Variants in PSG1 observed in about 807,000 individuals in gnomAD.
PSG1 encodes the protein pregnancy specific beta-1-glycoprotein 1, also known as pregnancy-specific beta-1-glycoprotein 1.
In PSG1, 60 loss-of-function variants were observed where a neutral mutation model predicts 41.4. That is an observed-to-expected ratio of 1.45 (90% CI 1.18 to 1.80). The LOEUF (loss-of-function observed/expected upper bound fraction) is 1.80. Among genes scored for constraint, PSG1 ranks in the 40% most tolerant of loss-of-function variants. The pLI is 0.00. For synonymous variants in PSG1, 256 were observed against 192.9 expected, an observed-to-expected ratio of 1.33 and a Z score of -2.71; for missense variants, 806 against 516.9, an observed-to-expected ratio of 1.56 and a Z score of -5.42.
At chr19:42,877,698 G>A (rs1971668219) in intron 2 of PSG1, among the ~76,000 whole-genome samples, 2 of 151,712 alleles carry the variant, frequency 1.3e-5, no homozygotes, top group African/African-American at 4.8e-5. Context: ...TCCTTCCTCT[G>A]CAGCGAGTGT....
intron 1 of PSG1, 76 bp downstream of exon 1, chr19:42,879,442 C>A (rs1971771630): frequency 1.3e-6 from 2 of 1,579,064 alleles, no homozygotes; most frequent in Non-Finnish European, 1.7e-6. Flanking sequence ...TTTTTAGAAC[C>A]CCATCCTCTC....
chr19:42,870,486 G>A (rs1305181266), intron 3 of PSG1: 1 of 151,556 alleles, frequency 6.6e-6, no homozygotes, highest in Non-Finnish European at 1.5e-5. Context: ...TGAAGGCCTT[G>A]GGATGTGAGA....
intron 4 of PSG1, 144 bp from the exon 5 acceptor site, chr19:42,868,499 T>G (rs1402655003): frequency 1.3e-6 from 2 of 1,488,620 alleles, no homozygotes; most frequent in Non-Finnish European, 1.8e-6. Flanking sequence ...CTGAGCCGAA[T>G]CCTGAGGTAT....
intron 1 of PSG1, among the ~76,000 whole-genome samples, chr19:42,879,060 G>GT (rs1308710763): frequency 2.0e-5 from 3 of 151,408 alleles, no homozygotes; most frequent in Non-Finnish European, 4.4e-5. Flanking sequence ...ACCAATTCCG[G>GT]TCCAATACGA....
chr19:42,878,336 T>G, intron 1 of PSG1, 58 bp from the exon 2 acceptor site: 2 of 1,546,130 alleles, frequency 1.3e-6, no homozygotes, highest in Non-Finnish European at 1.7e-6. Flanking sequence ...TGTGAAAACA[T>G]GGGGCCCTGG....
intron 3 of PSG1, among the ~76,000 whole-genome samples, chr19:42,870,935 C>T (rs1296557691): frequency 6.6e-6 from 1 of 151,610 alleles, no homozygotes; most frequent in Non-Finnish European, 1.5e-5. Flanking sequence ...AAAGAATGAT[C>T]TAGAAAGAGT....
At chr19:42,874,492 G>T (rs1359061103) in intron 2 of PSG1, among the ~76,000 whole-genome samples, 1 of 151,560 alleles carries the variant, frequency 6.6e-6, no homozygotes, top group Admixed American at 6.6e-5. Flanking sequence ...GACTACAGGG[G>T]CCCGCCACCA....
At position 42,871,950 on chromosome 19, in the gene PSG1, C is replaced by A; in HGVS notation, c.526G>T (p.Ala176Ser). ...CCATTCATCCACCACAGGTAGCTTG[C>A]GTCTGGAGTCTCAGGGTCACAGGTT... The part of the protein sequence containing the change: ...SLTCDPETPD[A>S]SYLWWMNGQS... Residue 176 changes from alanine (A) to serine (S), a missense_variant, in exon 3 of 6, where the codon GCA becomes TCA. Coordinates refer to ENST00000436291, the MANE Select transcript of PSG1 (RefSeq NM_001184825.2). 2 of 1,612,420 alleles carry A rather than the reference C, an allele frequency of 1.2e-6. No homozygotes were observed. Among genetic ancestry groups the A allele is most frequent in the Non-Finnish European group, 1.7e-6 (2 of 1,179,198 alleles).
At chr19:42,878,581 C>G (rs6509042) in intron 1 of PSG1, among the ~76,000 whole-genome samples, 39,359 of 122,206 alleles carry the variant, frequency 0.32, 9,114 homozygotes, top group African/African-American at 0.62. Flanking sequence ...GCATGGCCCC[C>G]TCCACAATGC....
chr19:42,879,263 C>T (rs1275584525), intron 1 of PSG1, among the ~76,000 whole-genome samples: 1 of 150,756 alleles, frequency 6.6e-6, no homozygotes, highest in Admixed American at 6.6e-5. Flanking sequence ...CGTGATTCTC[C>T]TGCCTCAGCC....
chr19:42,870,324 T>G (rs1228068420), intron 3 of PSG1: 1 of 151,720 alleles, frequency 6.6e-6, no homozygotes, highest in East Asian at 1.9e-4. Context: ...AATGCTCCAG[T>G]GAGCATTTCT....
chr19:42,877,014 A>G (rs1003325947), intron 2 of PSG1, among the ~76,000 whole-genome samples: 1 of 151,622 alleles, frequency 6.6e-6, no homozygotes, highest in African/African-American at 2.4e-5. Flanking sequence ...TCTCAATCAA[A>G]TAAGCTAAAT....
At position 42,866,470 on chromosome 19, in the gene PSG1, A is replaced by G. The variant is rs781119708; in HGVS notation, c.*664T>C. 6.1e-6 allele frequency: 1 copy of G among 162,948 alleles called. No individual in the cohort carries two copies. The highest frequency in any genetic ancestry group is 1.4e-5 in the Non-Finnish European group (1 of 74,022). The allele number at this position is 162,948 out of a possible 1,614,324, so 10.1% of individuals were successfully genotyped here. ...TTATTTTAAGAGAACAGTATTAGCA[A>G]AGGTGGTACATGTTTTATTCTGCTA... On this transcript the variant is annotated 3_prime_UTR_variant, in exon 6 of 6. Coordinates refer to ENST00000436291, the MANE Select transcript of PSG1 (RefSeq NM_001184825.2).
chr19:42,877,984 T>C lies in PSG1; in HGVS notation c.359A>G (p.Tyr120Cys), dbSNP rs1183904121. 4 of 1,612,426 alleles carry C rather than the reference T, an allele frequency of 2.5e-6. No individual in the cohort carries two copies. The highest frequency in any genetic ancestry group is 3.4e-6 in the Non-Finnish European group (4 of 1,179,142). The change falls in exon 2 of 6, where the codon TAC (tyrosine) becomes TGC (cysteine). Residue 120 changes from tyrosine (Y) to cysteine (C), a missense_variant. Physicochemically the swap from Tyr to Cys is radical, Grantham distance 194. Coordinates refer to ENST00000436291, the MANE Select transcript of PSG1 (RefSeq NM_001184825.2). ...ATCTCCCTTTATGATGTGTAAGGTG[T>C]AGGATCCTGCGTCCTCCCGGGTGAC... ...QNVTREDAGS[Y>C]TLHIIKGDDG... is the part of the protein sequence containing the mutation.
At chr19:42,867,881 T>C in intron 5 of PSG1, 2 of 1,396,116 alleles carry the variant, frequency 1.4e-6, no homozygotes, top group South Asian at 2.8e-5. Flanking sequence ...TCAATGTTCT[T>C]CCTGCTTGGT....
At position 42,874,830 on chromosome 19, in the gene PSG1, G is replaced by A. The variant is rs371814198; in HGVS notation, c.431-2785C>T. Among the ~76,000 whole-genome samples the A allele has an allele frequency of 7.9e-5, 12 of 151,454 alleles. No homozygotes were observed. In the East Asian group the frequency reaches 1.4e-3, roughly 17 times the overall value. On this transcript the variant is annotated intron_variant, in intron 2 of 5. Coordinates refer to ENST00000436291, the MANE Select transcript of PSG1 (RefSeq NM_001184825.2). ...GCGTCATGAGTGAGGATGGGGTCAA[G>A]AGTCCACTCAGAGATGGAGTGCCCA...
chr19:42,871,836 G>A lies in PSG1; in HGVS notation c.640C>T (p.Pro214Ser), dbSNP rs1454467797. Reference sequence around the variant, plus strand: ...GGGTTCCGTATTTCACATTCATAGGGTCCTGCAGTATACTTTGTGACACCC... The same window carrying A: ...GGGTTCCGTATTTCACATTCATAGGATCCTGCAGTATACTTTGTGACACCC... ...LLGVTKYTAG[P>S]YECEIRNPVS... is the part of the protein sequence containing the mutation. Residue 214 changes from proline (P) to serine (S), a missense_variant, in exon 3 of 6, where the codon CCC (proline) becomes TCC (serine). Coordinates refer to ENST00000436291, the MANE Select transcript of PSG1 (RefSeq NM_001184825.2). 6.2e-7 allele frequency: 1 copy of A among 1,612,548 alleles called. No homozygotes were observed. Among genetic ancestry groups the A allele is most frequent in the South Asian group, 1.1e-5 (1 of 90,832 alleles).
At chr19:42,872,932 A>T (rs193131019) in intron 2 of PSG1, among the ~76,000 whole-genome samples, 4 of 151,814 alleles carry the variant, frequency 2.6e-5, no homozygotes, top group Admixed American at 2.6e-4. Flanking sequence ...GTGTTTGGTG[A>T]ATATTAGACC....
In PSG1 at chr19:42,868,121, G is replaced by T; in HGVS notation, c.1223C>A (p.Ser408Tyr). 6.2e-7 allele frequency: 1 copy of T among 1,612,378 alleles called. No individual in the cohort carries two copies. The highest frequency in any genetic ancestry group is 8.5e-7 in the Non-Finnish European group (1 of 1,179,114). ...NSATGKESSKSMTVEVSDWTV... is the reference protein window; with the variant it reads ...NSATGKESSKYMTVEVSDWTV... ...CTTACCAGAGACTTCGACTGTCATGGATTTGGAGCTTTCCTTGCCAGTGGC... is the reference window on the plus strand; with the variant it reads ...CTTACCAGAGACTTCGACTGTCATGTATTTGGAGCTTTCCTTGCCAGTGGC... The change falls in exon 5 of 6, where the codon TCC becomes TAC. Residue 408 changes from serine to tyrosine, a missense_variant. Coordinates refer to ENST00000436291, the MANE Select transcript of PSG1 (RefSeq NM_001184825.2).
Sources: gnomAD v4.1 joint callset for allele counts (sites outside exome capture counted in the v4.1 genomes callset) on GRCh38, gnomAD v4.1.1 for gene constraint, MANE v1.5 for transcripts, NCBI Gene and HGNC (gene_info 2026-07-23, HGNC 2026-07-21) for gene names.